TANC1: variants seen among roughly 807,000 people sequenced by gnomAD.
TANC1 encodes the protein protein TANC1.
A neutral mutation model predicts 149.7 loss-of-function variants in TANC1; 77 were observed. That is an observed-to-expected ratio of 0.51 (90% CI 0.43 to 0.62). TANC1 has a LOEUF of 0.62. Among genes scored for constraint, TANC1 ranks in the 20% least tolerant of loss-of-function variants. TANC1 has a pLI of 0.00. For missense variants in TANC1, 1,985 were observed against 2,321.8 expected, an observed-to-expected ratio of 0.85 and a Z score of 2.98; for synonymous variants, 854 against 925.0, an observed-to-expected ratio of 0.92 and a Z score of 1.39.
At chr2:159,189,004 C>G (rs1470955419) in intron 16 of TANC1, among the ~76,000 whole-genome samples, 3 of 152,190 alleles carry the variant, frequency 2.0e-5, no homozygotes, top group Non-Finnish European at 4.4e-5. Flanking sequence ...GCTCTGTGAC[C>G]ATCATTAGCT....
At chr2:159,143,551 C>CAAAAAAAA (rs56992262) in intron 5 of TANC1, among the ~76,000 whole-genome samples, 23 of 67,298 alleles carry the variant, frequency 3.4e-4, no homozygotes, top group Non-Finnish European at 4.7e-4. Flanking sequence ...GACCCCATCT[C>CAAAAAAAA]AAAAAAAAAA....
At chr2:159,226,711 A>T (rs2150983180) in intron 24 of TANC1, 1 of 152,350 alleles carries the variant, frequency 6.6e-6, no homozygotes, top group African/African-American at 2.4e-5. Flanking sequence ...TTTAGGTCAG[A>T]GGTCAGCAAA....
At chr2:159,199,139 G>C in intron 19 of TANC1, 86 bp downstream of exon 19, 1 of 924,676 alleles carries the variant, frequency 1.1e-6, no homozygotes, top group South Asian at 1.4e-5. Flanking sequence ...AAGAATGACT[G>C]ATATATGTAG....
At chr2:159,225,998 A>G (rs970824209) in intron 24 of TANC1, 5 of 557,352 alleles carry the variant, frequency 9.0e-6, no homozygotes, top group South Asian at 4.1e-5. Context: ...CCTGGCCAAT[A>G]TGGCAAAACC....
chr2:159,163,557 A>G lies in TANC1; in HGVS notation c.946+11A>G. 6.2e-7 allele frequency: 1 copy of G among 1,605,586 alleles called. No individual in the cohort carries two copies. Among genetic ancestry groups the G allele is most frequent in the Non-Finnish European group, 8.5e-7 (1 of 1,175,108 alleles). On this transcript the variant is annotated intron_variant, in intron 8 of 26. Transcript: ENST00000263635. ...CCAACTCAGTTGCAGGTAAGGCCACACCTTTCCCTGGAAGGATTATCTCAG... is the reference window on the plus strand; with the variant it reads ...CCAACTCAGTTGCAGGTAAGGCCACGCCTTTCCCTGGAAGGATTATCTCAG...
chr2:159,040,924 G>T (rs1247117846), intron 2 of TANC1, among the ~76,000 whole-genome samples: 1 of 152,098 alleles, frequency 6.6e-6, no homozygotes, highest in Non-Finnish European at 1.5e-5. Flanking sequence ...TTTGATGATG[G>T]TGACCTACAG....
intron 19 of TANC1, among the ~76,000 whole-genome samples, chr2:159,199,962 TC>T (rs1419860175): frequency 1.3e-5 from 2 of 152,164 alleles, no homozygotes; most frequent in Non-Finnish European, 2.9e-5. Context: ...GTTTGTTCCA[TC>T]CCCTTTGTGG....
At chr2:159,066,290 G>A (rs1378672486) in intron 3 of TANC1, among the ~76,000 whole-genome samples, 1 of 152,072 alleles carries the variant, frequency 6.6e-6, no homozygotes, top group Non-Finnish European at 1.5e-5. Context: ...GCACATACTT[G>A]TAAATCCTAG....
intron 1 of TANC1, among the ~76,000 whole-genome samples, chr2:158,983,919 G>A (rs941987239): frequency 1.3e-5 from 2 of 152,210 alleles, no homozygotes; most frequent in Non-Finnish European, 2.9e-5. Context: ...GAGAATGCCT[G>A]GATATCTATG....
rs6729871 is a variant in TANC1 at position 159,172,218 on chromosome 2, C to G, written c.1449C>G (p.Ile483Met). ...CAGCTAAAACACCTCTTGGGTCTAT[C>G]AGTGCTGAAAACCAGAGACCAAGAG... is the stretch of plus-strand genomic sequence containing the variant. ...SSTAKTPLGS[I>M]SAENQRPRED... The change falls in exon 11 of 27, where the codon ATC (isoleucine) becomes ATG (methionine). Residue 483 changes from isoleucine to methionine, a missense_variant. Physicochemically the swap from Ile to Met is conservative, Grantham distance 10. Coordinates refer to ENST00000263635, the MANE Select transcript of TANC1 (RefSeq NM_033394.3). The G allele has an allele frequency of 2.5e-6, 4 of 1,614,204 alleles. No individual in the cohort carries two copies. Among genetic ancestry groups the G allele is most frequent in the Non-Finnish European group, 3.4e-6 (4 of 1,180,026 alleles).
intron 19 of TANC1, among the ~76,000 whole-genome samples, chr2:159,205,296 G>C (rs2058526713): frequency 1.3e-5 from 2 of 152,188 alleles, no homozygotes; most frequent in Admixed American, 1.3e-4. Context: ...TACTGTTGGT[G>C]TAAAAATGAC....
At chr2:159,107,979 T>A (rs528908623) in intron 4 of TANC1, among the ~76,000 whole-genome samples, 1 of 152,220 alleles carries the variant, frequency 6.6e-6, no homozygotes, top group African/African-American at 2.4e-5. Flanking sequence ...CAGGATCCAA[T>A]TGTATCTTCA....
intron 19 of TANC1, among the ~76,000 whole-genome samples, chr2:159,213,510 G>A (rs1347789512): frequency 6.6e-6 from 1 of 151,746 alleles, no homozygotes; most frequent in Non-Finnish European, 1.5e-5. Flanking sequence ...ATACCGACAC[G>A]CTGAGATGAA....
intron 3 of TANC1, among the ~76,000 whole-genome samples, chr2:159,090,549 G>C (rs2045419923): frequency 6.6e-6 from 1 of 152,174 alleles, no homozygotes; most frequent in Admixed American, 6.5e-5. Context: ...ACTGAATCAG[G>C]TGTAGCATCA....
chr2:159,225,059 C>T (rs1420969530), intron 23 of TANC1: 2 of 159,740 alleles, frequency 1.3e-5, no homozygotes, highest in Admixed American at 6.1e-5. Flanking sequence ...TAATCCCTAC[C>T]ACAGCCCTGA....
intron 5 of TANC1, among the ~76,000 whole-genome samples, chr2:159,143,113 C>T (rs77091555): frequency 0.24 from 35,373 of 145,104 alleles, 5,317 homozygotes; most frequent in Non-Finnish European, 0.35. Flanking sequence ...AAAAAACCAA[C>T]TCTGACAGGA....
At chr2:159,123,344 G>T (rs2049052190) in intron 4 of TANC1, among the ~76,000 whole-genome samples, 1 of 152,144 alleles carries the variant, frequency 6.6e-6, no homozygotes, top group Non-Finnish European at 1.5e-5. Flanking sequence ...TCACTGTGGA[G>T]GATGGAAAGA....
At position 159,178,683 on chromosome 2, in the gene TANC1, A is replaced by G; in HGVS notation, c.2030A>G (p.Asn677Ser). The change falls in exon 14 of 27, where the codon AAC (asparagine) becomes AGC (serine). Residue 677 changes from asparagine to serine, a missense_variant. Transcript: ENST00000263635. ...CACAGCAGCCAGGACATCCTCAGCA[A>G]CATCTCCCTGAATGGCAAGGCCGAT... ...RVHSSQDILSNISLNGKADAT... is the reference protein window; with the variant it reads ...RVHSSQDILSSISLNGKADAT... 6.2e-7 allele frequency: 1 copy of G among 1,614,152 alleles called. No homozygotes were observed. The highest frequency in any genetic ancestry group is 8.5e-7 in the Non-Finnish European group (1 of 1,180,028).
intron 3 of TANC1, among the ~76,000 whole-genome samples, chr2:159,076,673 T>C (rs1030896334): frequency 7.2e-5 from 11 of 152,220 alleles, no homozygotes; most frequent in Admixed American, 2.6e-4. Flanking sequence ...GATAAAGTAA[T>C]GACATTTTGA....
Sources: allele counts gnomAD v4.1 joint callset (sites outside exome capture counted in the v4.1 genomes callset), GRCh38; gene constraint gnomAD v4.1.1; transcripts MANE v1.5; gene names NCBI Gene and HGNC (gene_info 2026-07-23, HGNC 2026-07-21).